EXOC1: variants seen among roughly 807,000 people sequenced by gnomAD.
EXOC1 encodes SEC3-like 1.
A neutral mutation model predicts 107.7 loss-of-function variants in EXOC1; 67 were observed. The observed-to-expected ratio is 0.62, with a 90% CI of 0.51 to 0.76. The LOEUF (loss-of-function observed/expected upper bound fraction) is 0.76, where lower values mean the gene tolerates loss of function less well. Ranked by LOEUF, EXOC1 falls within the 30% of genes least tolerant of loss-of-function variation. The pLI, the probability that EXOC1 is intolerant of heterozygous loss-of-function variation, is 0.00. For synonymous variants in EXOC1, 348 were observed against 353.5 expected (o/e 0.98, Z 0.17); for missense variants, 833 against 1,055.7 (o/e 0.79, Z 2.92).
At chr4:55,869,136 C>T (rs1722212717) in intron 5 of EXOC1, among the ~76,000 whole-genome samples, 1 of 151,914 alleles carries the variant, frequency 6.6e-6, no homozygotes, top group Admixed American at 6.6e-5. Context: ...GAGACTGAGG[C>T]GAGCAGATCA....
intron 12 of EXOC1, 121 bp downstream of exon 12, chr4:55,890,507 T>A (rs1018194464): frequency 2.8e-5 from 16 of 568,152 alleles, no homozygotes; most frequent in Non-Finnish European, 3.7e-5. Context: ...ATTAACCATG[T>A]CTTTCCAACT....
intron 1 of EXOC1, among the ~76,000 whole-genome samples, chr4:55,857,414 C>T (rs965881468): frequency 8.6e-5 from 13 of 151,798 alleles, no homozygotes; most frequent in Admixed American, 6.6e-4. Context: ...TTGATCCGCC[C>T]GCCTCGGCCT....
At chr4:55,872,303 T>C (rs1161412063) in intron 8 of EXOC1, among the ~76,000 whole-genome samples, 1 of 152,274 alleles carries the variant, frequency 6.6e-6, no homozygotes, top group Non-Finnish European at 1.5e-5. Context: ...TTTTTCAGTA[T>C]TTTGAGGTGA....
At chr4:55,891,939 A>T (rs989625022) in intron 13 of EXOC1, among the ~76,000 whole-genome samples, 1 of 152,232 alleles carries the variant, frequency 6.6e-6, no homozygotes, top group Non-Finnish European at 1.5e-5. Context: ...AGTAGATATC[A>T]TAGTGCCTAT....
In EXOC1 at chr4:55,870,687, C is replaced by T; in HGVS notation, c.613C>T (p.Gln205Ter). 6.2e-7 allele frequency: 1 copy of T among 1,612,976 alleles called. No individual in the cohort carries two copies. The highest frequency in any genetic ancestry group is 8.5e-7 in the Non-Finnish European group (1 of 1,179,340). ...GTCTTTAACTTTGTAGGCTAACATC[C>T]AGTCAATCATGGCATCTGAAAAACA... Reference protein sequence around the residue: ...ELQVLDGANIQSIMASEKQVN... With the variant: ...ELQVLDGANI Residue 205 changes from glutamine (Q) to a stop codon, truncating the protein, a stop_gained, in exon 6 of 19, where the codon CAG becomes TAG. Coordinates refer to ENST00000381295, the MANE Select transcript of EXOC1 (RefSeq NM_001024924.2). LOFTEE classifies it high-confidence loss of function.
At chr4:55,860,302 T>A (rs1721352780) in intron 2 of EXOC1, 109 bp from the exon 3 acceptor site, 1 of 1,374,238 alleles carries the variant, frequency 7.3e-7, no homozygotes, top group Non-Finnish European at 9.9e-7. Flanking sequence ...GTATTACACC[T>A]CTTTTAGTAT....
At chr4:55,894,000 G>C (rs73238389) in intron 15 of EXOC1, among the ~76,000 whole-genome samples, 32,918 of 151,958 alleles carry the variant, frequency 0.22, 3,915 homozygotes, top group East Asian at 0.48. Flanking sequence ...AAGTTCTGGA[G>C]GAAGTGGCAC....
chr4:55,900,559 T>G (rs1298863780), intron 17 of EXOC1: 1 of 152,178 alleles, frequency 6.6e-6, no homozygotes, highest in Non-Finnish European at 1.5e-5. Context: ...TGCAATATAG[T>G]TATCTTTTAT....
chr4:55,902,529 C>A lies in EXOC1; in HGVS notation c.2523C>A (p.Asn841Lys). Residue 841 changes from asparagine (N) to lysine (K), a missense_variant, in exon 18 of 19, where the codon AAC (asparagine) becomes AAA (lysine). Transcript: ENST00000381295. ...KVDKHLCEEENLLQVVWHSMQ... is the reference protein window; with the variant it reads ...KVDKHLCEEEKLLQVVWHSMQ... ...ATAAACATTTATGTGAAGAAGAGAA[C>A]TTACTTCAGGTATGCTTACTTCTTT... The A allele has an allele frequency of 6.6e-7, 1 of 1,504,288 alleles. No individual in the cohort carries two copies. Among genetic ancestry groups the A allele is most frequent in the East Asian group, 2.5e-5 (1 of 39,940 alleles). The allele number at this position is 1,504,288 out of a possible 1,614,324, so 93.2% of individuals were successfully genotyped here.
intron 11 of EXOC1, 26 bp from the exon 12 acceptor site, chr4:55,890,197 A>G (rs758915493): frequency 4.3e-6 from 7 of 1,609,998 alleles, no homozygotes; most frequent in Admixed American, 3.3e-5. Context: ...GAAGATCACA[A>G]CTTTCAAAGT....
intron 4 of EXOC1, among the ~76,000 whole-genome samples, chr4:55,866,549 TATA>T (rs1721972666): frequency 1.3e-5 from 2 of 152,176 alleles, no homozygotes; most frequent in Non-Finnish European, 2.9e-5. Context: ...CTGACCTAAA[TATA>T]ATCCCCAGGA....
chr4:55,876,453 GTCAC>G, intron 8 of EXOC1: 1 of 632,266 alleles, frequency 1.6e-6, no homozygotes, highest in Non-Finnish European at 2.0e-6. Flanking sequence ...AATATGAATA[GTCAC>G]TCTAAGCACT....
chr4:55,904,246 T>C lies in EXOC1; in HGVS notation c.2533-97T>C, dbSNP rs1304730502. Reference sequence around the variant, plus strand: ...GAATGCATGTTCCTAGCTACTATACTACCCAAATTCTTAGAATATGCCTTG... The same window carrying C: ...GAATGCATGTTCCTAGCTACTATACCACCCAAATTCTTAGAATATGCCTTG... On this transcript the variant is annotated intron_variant, in intron 18 of 18. Transcript: ENST00000381295. 6 of 1,246,564 alleles carry C rather than the reference T, an allele frequency of 4.8e-6. 1 individual carries two copies. In the Admixed American group the frequency reaches 1.0e-4, roughly 21 times the overall value. The allele number at this position is 1,246,564 out of a possible 1,614,324, so 77.2% of individuals were successfully genotyped here.
chr4:55,883,914 A>G lies in EXOC1; in HGVS notation c.1316A>G (p.Glu439Gly). 1 of 1,604,190 alleles carries G rather than the reference A, an allele frequency of 6.2e-7. No individual in the cohort carries two copies. Among genetic ancestry groups the G allele is most frequent in the Non-Finnish European group, 8.5e-7 (1 of 1,176,854 alleles). ...ATCAAGATGACTGGCACAACTAAAG[A>G]AAGCAAGAAGTTTGGTAAGCTTAGG... ...AKIKMTGTTK[E>G]SKKFATLPRK... The change falls in exon 10 of 19, where the codon GAA (glutamate) becomes GGA (glycine). Residue 439 changes from glutamate to glycine, a missense_variant. Around this residue, in one of 2 missense-constraint regions of EXOC1, gnomAD observed 617 missense variants for 701.3 expected, o/e 0.88. Transcript: ENST00000381295.
At chr4:55,876,710 C>G in intron 8 of EXOC1, 1 of 985,360 alleles carries the variant, frequency 1.0e-6, no homozygotes, top group Middle Eastern at 5.2e-4. Flanking sequence ...ATCTCTAGTT[C>G]AGTTTCCCAA....
chr4:55,899,237 G>A (rs190992049), intron 16 of EXOC1, among the ~76,000 whole-genome samples: 4 of 152,018 alleles, frequency 2.6e-5, no homozygotes, highest in Admixed American at 2.0e-4. Flanking sequence ...TCTTAGCAAG[G>A]TCACACTATT....
At chr4:55,872,673 C>T (rs183587249) in intron 8 of EXOC1, 85 of 482,618 alleles carry the variant, frequency 1.8e-4, no homozygotes, top group Admixed American at 3.2e-4. Context: ...GAAATACTGC[C>T]TGAAAACAAT....
chr4:55,866,926 G>A (rs1722014087), intron 4 of EXOC1: 1 of 981,710 alleles, frequency 1.0e-6, no homozygotes, highest in Admixed American at 6.2e-5. Flanking sequence ...TATTCCATAT[G>A]TTTTTATTAG....
At position 55,892,696 on chromosome 4, in the gene EXOC1, T is replaced by G. The variant is rs1560357941; in HGVS notation, c.1709T>G (p.Leu570Arg). ...LSRQHNCGTP[L>R]PVSSEKDMIR... Reference sequence around the variant, plus strand: ...CGGCAACATAATTGTGGCACACCACTGCCTGTTTCATCTGAGTATGTCTTT... The same window carrying G: ...CGGCAACATAATTGTGGCACACCACGGCCTGTTTCATCTGAGTATGTCTTT... The change falls in exon 14 of 19, where the codon CTG becomes CGG. Residue 570 changes from leucine (L) to arginine (R), a missense_variant. Coordinates refer to ENST00000381295, the MANE Select transcript of EXOC1 (RefSeq NM_001024924.2). The G allele has an allele frequency of 6.2e-7, 1 of 1,614,098 alleles. No homozygotes were observed. Among genetic ancestry groups the G allele is most frequent in the East Asian group, 2.2e-5 (1 of 44,882 alleles).
Sources: allele counts gnomAD v4.1 joint callset (sites outside exome capture counted in the v4.1 genomes callset), GRCh38; gene constraint gnomAD v4.1.1; regional missense constraint gnomAD v4.1.1; transcripts MANE v1.5; gene names NCBI Gene and HGNC (gene_info 2026-07-23, HGNC 2026-07-21).